GRIN2B: variants seen among roughly 807,000 people sequenced by gnomAD.
GRIN2B encodes the protein glutamate ionotropic receptor NMDA type subunit 2B.
In GRIN2B, 5 loss-of-function variants were observed where a neutral mutation model predicts 114.5. The observed-to-expected ratio is 0.04, with a 90% confidence interval of 0.02 to 0.09. GRIN2B has a LOEUF of 0.09. Among genes scored for constraint, GRIN2B ranks in the 10% least tolerant of loss-of-function variants. The pLI, the probability that GRIN2B is intolerant of heterozygous loss-of-function variation, is 1.00. For missense variants in GRIN2B, 1,108 were observed against 1,943.5 expected (o/e 0.57, Z 8.08); for synonymous variants, 787 against 745.1 (o/e 1.06, Z -0.92).
At chr12:13,758,093 T>G (rs528356156) in intron 3 of GRIN2B, among the ~76,000 whole-genome samples, 22 of 152,322 alleles carry the variant, frequency 1.4e-4, no homozygotes, top group Non-Finnish European at 2.9e-4. Context: ...ACTGAATGAC[T>G]GGCTGTTACA....
intron 10 of GRIN2B, among the ~76,000 whole-genome samples, chr12:13,602,145 C>T (rs545974061): frequency 2.0e-5 from 3 of 152,162 alleles, no homozygotes; most frequent in Admixed American, 6.5e-5. Flanking sequence ...GTCCTCCCCC[C>T]TCTCATGTGC....
intron 5 of GRIN2B, among the ~76,000 whole-genome samples, chr12:13,654,801 A>G (rs1051217457): frequency 1.3e-5 from 2 of 152,268 alleles, no homozygotes; most frequent in Non-Finnish European, 2.9e-5. Context: ...AATGGCAATT[A>G]CAATGAGGAA....
At chr12:13,633,239 G>A (rs1313429090) in intron 5 of GRIN2B, among the ~76,000 whole-genome samples, 6 of 152,234 alleles carry the variant, frequency 3.9e-5, no homozygotes, top group Non-Finnish European at 8.8e-5. Context: ...GTGGCCCCAA[G>A]ACCGGCAGCA....
At chr12:13,871,130 T>G (rs1486726313) in intron 2 of GRIN2B, among the ~76,000 whole-genome samples, 2 of 152,172 alleles carry the variant, frequency 1.3e-5, no homozygotes, top group Non-Finnish European at 2.9e-5. Context: ...ACAAAAGATC[T>G]TATTAACTAA....
rs1203848827 is a variant in GRIN2B at position 13,558,180 on chromosome 12, T to TATTTC, written c.*4598_*4602dup. On this transcript the variant is annotated 3_prime_UTR_variant, in exon 14 of 14. Coordinates refer to ENST00000609686, the MANE Select transcript of GRIN2B (RefSeq NM_000834.5). ...AGTGTGTAGCAGCCTACTGAGCATG[T>TATTTC]ATTTCCTATATGGCTTTGGGCTCAG... The TATTTC allele has an allele frequency of 6.6e-6, 1 of 152,202 alleles. No individual in the cohort carries two copies. The highest frequency in any genetic ancestry group is 2.4e-5 in the African/African-American group (1 of 41,450). The allele number at this position is 152,202 out of a possible 1,614,324, so 9.4% of individuals were successfully genotyped here. A position where few individuals can be genotyped will look rare whatever the true frequency, so the allele number is the denominator to read the frequency against.
At chr12:13,626,852 T>A (rs1472028653) in intron 5 of GRIN2B, among the ~76,000 whole-genome samples, 6 of 82,434 alleles carry the variant, frequency 7.3e-5, no homozygotes, top group African/African-American at 2.9e-4. Context: ...CATAGCTCTT[T>A]ATCTCCTCCT....
intron 6 of GRIN2B, 42 bp downstream of exon 6, chr12:13,616,413 G>T: frequency 1.4e-6 from 2 of 1,456,698 alleles, no homozygotes; most frequent in South Asian, 1.1e-5. Context: ...CATCAAAGCT[G>T]ACTCTCCCAT....
At chr12:13,673,809 T>C (rs1388293033) in intron 5 of GRIN2B, among the ~76,000 whole-genome samples, 1 of 151,830 alleles carries the variant, frequency 6.6e-6, no homozygotes, top group Admixed American at 6.6e-5. Context: ...GAGACAGTAA[T>C]TGTGAGCCTA....
chr12:13,770,433 T>C (rs551393002), intron 3 of GRIN2B, among the ~76,000 whole-genome samples: 2 of 152,342 alleles, frequency 1.3e-5, no homozygotes, highest in Admixed American at 6.5e-5. Flanking sequence ...CAAGGTAAGA[T>C]ATTAAGTTTA....
chr12:13,791,752 A>T (rs1252569221), intron 3 of GRIN2B, among the ~76,000 whole-genome samples: 1 of 152,204 alleles, frequency 6.6e-6, no homozygotes, highest in African/African-American at 2.4e-5. Context: ...ATATAATGAA[A>T]TCAAGGTAAT....
intron 3 of GRIN2B, among the ~76,000 whole-genome samples, chr12:13,807,442 C>T (rs902469820): frequency 2.6e-5 from 4 of 152,090 alleles, no homozygotes; most frequent in African/African-American, 7.2e-5. Flanking sequence ...TTCTCCTTCT[C>T]ACCTCCCTGC....
chr12:13,713,301 C>T (rs886495471), intron 4 of GRIN2B, among the ~76,000 whole-genome samples: 9 of 151,810 alleles, frequency 5.9e-5, no homozygotes, highest in African/African-American at 2.2e-4. Context: ...TGTCATTCCA[C>T]CAAATCTCCA....
chr12:13,699,675 C>T lies in GRIN2B; in HGVS notation c.1011-23816G>A, dbSNP rs150024201. On this transcript the variant is annotated intron_variant, in intron 4 of 13. Coordinates refer to ENST00000609686, the MANE Select transcript of GRIN2B (RefSeq NM_000834.5). ...TTATCTCAGCTCACTGCAACCTCCG[C>T]CTCCTGGGTTCAAGTGATTTCTTCT... is the stretch of plus-strand genomic sequence containing the variant. Among the ~76,000 whole-genome samples, 53 of 152,050 alleles carry T rather than the reference C, an allele frequency of 3.5e-4. No individual in the cohort carries two copies. In the East Asian group the frequency reaches 5.0e-3, roughly 14 times the overall value.
chr12:13,690,064 G>T (rs912831624), intron 4 of GRIN2B, among the ~76,000 whole-genome samples: 4 of 151,742 alleles, frequency 2.6e-5, no homozygotes, highest in African/African-American at 9.7e-5. Context: ...TTTTTTACTT[G>T]TCTGTATCTT....
intron 3 of GRIN2B, among the ~76,000 whole-genome samples, chr12:13,833,696 C>A (rs755527143): frequency 6.6e-6 from 1 of 152,128 alleles, no homozygotes; most frequent in Non-Finnish European, 1.5e-5. Flanking sequence ...TCCTTGCAAC[C>A]GAAGGGGCTC....
intron 2 of GRIN2B, among the ~76,000 whole-genome samples, chr12:13,918,205 G>A (rs1866764745): frequency 1.3e-5 from 2 of 152,194 alleles, no homozygotes; most frequent in African/African-American, 2.4e-5. Flanking sequence ...AATGGGAATA[G>A]TAATACCTCA....
chr12:13,617,402 G>T (rs1437634970), intron 5 of GRIN2B, among the ~76,000 whole-genome samples: 2 of 152,194 alleles, frequency 1.3e-5, no homozygotes, highest in South Asian at 4.1e-4. Context: ...CCAACACCAT[G>T]GAGCACCATC....
At chr12:13,704,352 G>T (rs1431945841) in intron 4 of GRIN2B, among the ~76,000 whole-genome samples, 1 of 152,090 alleles carries the variant, frequency 6.6e-6, no homozygotes, top group Non-Finnish European at 1.5e-5. Context: ...AAGGAAGAAG[G>T]ATTTGATCCC....
intron 5 of GRIN2B, among the ~76,000 whole-genome samples, chr12:13,635,783 T>C (rs1473752231): frequency 6.6e-6 from 1 of 152,218 alleles, no homozygotes; most frequent in Non-Finnish European, 1.5e-5. Flanking sequence ...AGGTATTTTA[T>C]ACCTCACAGA....
Sources: allele counts gnomAD v4.1 joint callset (sites outside exome capture counted in the v4.1 genomes callset), GRCh38; gene constraint gnomAD v4.1.1; transcripts MANE v1.5; gene names NCBI Gene and HGNC (gene_info 2026-07-23, HGNC 2026-07-21).